Variants in PIK3CD observed in about 807,000 individuals in gnomAD.
PIK3CD encodes the protein phosphatidylinositol 4,5-bisphosphate 3-kinase catalytic subunit delta isoform.
PIK3CD carries 20 observed loss-of-function variants against 122.9 expected under a neutral mutation model. The observed-to-expected ratio is 0.16, with a 90% CI of 0.11 to 0.24. PIK3CD has a LOEUF of 0.24. PIK3CD is among the 10% of genes least tolerant of loss of function. PIK3CD has a pLI of 1.00. For synonymous variants in PIK3CD, 596 were observed against 593.4 expected, an observed-to-expected ratio of 1.00 and a Z score of -0.06; for missense variants, 787 against 1,406.3, an observed-to-expected ratio of 0.56 and a Z score of 7.04.
rs34885574 is a variant in PIK3CD at position 9,710,632 on chromosome 1, CAGAGAG to C, written c.141+54_141+59del. ...CATCCGGTCCTCAGACCTTGGTGCT[CAGAGAG>C]AGAGAGAGAGAGAGAGACACAGATA... On this transcript the variant is annotated intron_variant, in intron 3 of 23. Transcript: ENST00000377346. This position sits in a 1 kb window ranked among gnomAD's most constrained non-coding sequence, Gnocchi z 4.7. 1.2e-4 allele frequency: 177 copies of C among 1,526,658 alleles called. No homozygotes were observed. The highest frequency in any genetic ancestry group is 1.4e-4 in the Non-Finnish European group (155 of 1,108,210). 94.6% of individuals were successfully genotyped at this position (1,526,658 alleles called of 1,614,324 possible).
the PIK3CD span, among the ~76,000 whole-genome samples, chr1:9,640,236 A>G: frequency 6.6e-6 from 1 of 152,120 alleles, no homozygotes; most frequent in East Asian, 1.9e-4. Context: ...TAGAATTGCC[A>G]GTTTCCCCAG....
rs1646130143 is a variant in PIK3CD, at chr1:9,689,829, G to T, written c.-137-1638G>T. Among the ~76,000 whole-genome samples, 1 of 151,964 alleles carries T rather than the reference G, an allele frequency of 6.6e-6. No individual in the cohort carries two copies. Among genetic ancestry groups the T allele is most frequent in the African/African-American group, 2.4e-5 (1 of 41,444 alleles). On this transcript the variant is annotated intron_variant, in intron 1 of 23. Coordinates refer to ENST00000377346, the MANE Select transcript of PIK3CD (RefSeq NM_005026.5). This position sits in a 1 kb window ranked among gnomAD's most constrained non-coding sequence, Gnocchi z 6.1. ...CCGGGCTTTGTCCGCCTGGGGCGGG[G>T]TGGGCAGGGTCGGTGGAGGCGATCA... is the stretch of plus-strand genomic sequence containing the variant.
Position 9,711,358 on chromosome 1 carries a change from G to T in PIK3CD, c.141+762G>T, listed in dbSNP as rs371237769. 8.4e-4 allele frequency among the ~76,000 whole-genome samples: 128 copies of T among 152,316 alleles called. 1 individual carries two copies. The Middle Eastern group carries it at 0.031, about 36-fold the overall frequency. Reference sequence around the variant, plus strand: ...GATCCACCCGCTTCGGCCTCTTAAAGTGTTGGAATTACAGGTGTGAGTCAC... The same window carrying T: ...GATCCACCCGCTTCGGCCTCTTAAATTGTTGGAATTACAGGTGTGAGTCAC... On this transcript the variant is annotated intron_variant, in intron 3 of 23. Coordinates refer to ENST00000377346, the MANE Select transcript of PIK3CD (RefSeq NM_005026.5).
At chr1:9,654,363 A>G (rs1385014783) in intron 1 of PIK3CD, 2 of 1,367,582 alleles carry the variant, frequency 1.5e-6, no homozygotes, top group Admixed American at 3.8e-5. Flanking sequence ...TACCATGTTT[A>G]GCAAGTGTTT....
chr1:9,666,935 G>A lies in PIK3CD; in HGVS notation c.-138+15133G>A, dbSNP rs190444450. 7.7e-3 allele frequency among the ~76,000 whole-genome samples: 1,174 copies of A among 151,492 alleles called. 35 individuals are homozygous for A. Among genetic ancestry groups the A allele is most frequent in the Admixed American group, 0.048 (732 of 15,184 alleles). On this transcript the variant is annotated intron_variant, in intron 1 of 23. Transcript: ENST00000377346. The stretch of plus-strand genomic sequence containing the variant: ...GGCTGGAGTGCAGTGGCATGATCTC[G>A]GCTCACTGCAACCTCTGCCTCCTGG...
intron 3 of PIK3CD, among the ~76,000 whole-genome samples, chr1:9,714,592 G>T (rs1366678395): frequency 1.3e-5 from 2 of 152,044 alleles, no homozygotes; most frequent in African/African-American, 4.8e-5. Context: ...ACACACCTTG[G>T]ACCCCTCCAG....
the PIK3CD span, among the ~76,000 whole-genome samples, chr1:9,639,266 A>T: frequency 2.6e-5 from 4 of 151,918 alleles, no homozygotes; most frequent in Non-Finnish European, 5.9e-5. Context: ...GTTACTCCTC[A>T]CACTAGGTGC....
the PIK3CD span, among the ~76,000 whole-genome samples, chr1:9,643,107 A>G: frequency 2.9e-5 from 4 of 137,172 alleles, no homozygotes; most frequent in Non-Finnish European, 4.7e-5. Flanking sequence ...AAAGGAAGAA[A>G]AGAAAGAGAA....
intron 1 of PIK3CD, among the ~76,000 whole-genome samples, chr1:9,661,735 G>A (rs1192432827): frequency 1.3e-5 from 2 of 151,922 alleles, no homozygotes; most frequent in East Asian, 1.9e-4. Context: ...GGTGGCTCAC[G>A]CCTGTAATCC....
intron 2 of PIK3CD, among the ~76,000 whole-genome samples, chr1:9,696,153 G>A (rs1411189573): frequency 6.6e-6 from 1 of 151,634 alleles, no homozygotes; most frequent in East Asian, 2.0e-4. Flanking sequence ...TATCCTTTTT[G>A]TAGAGATAGG....
chr1:9,716,745 A>G (rs570157415), intron 6 of PIK3CD, 126 bp downstream of exon 6: 2 of 1,195,636 alleles, frequency 1.7e-6, no homozygotes, highest in South Asian at 2.6e-5. Flanking sequence ...GGTCACCGCC[A>G]GAGCATCCCC....
rs1648026674 is a variant in PIK3CD, at chr1:9,718,965, C to T, written c.1242+50C>T. 1 of 1,539,406 alleles carries T rather than the reference C, an allele frequency of 6.5e-7. No homozygotes were observed. The highest frequency in any genetic ancestry group is 8.9e-7 in the Non-Finnish European group (1 of 1,121,342). ...GGGTGCAGACCCCGGAGAGCCAGTA[C>T]AGCCCCTTGCTGGGCCACTCACCAC... On this transcript the variant is annotated intron_variant, in intron 9 of 23. Coordinates refer to ENST00000377346, the MANE Select transcript of PIK3CD (RefSeq NM_005026.5). The surrounding 1 kb of genome is among the most constrained non-coding windows in gnomAD (Gnocchi z 7.2).
At chr1:9,697,024 A>G (rs1368385398) in intron 2 of PIK3CD, among the ~76,000 whole-genome samples, 3 of 150,122 alleles carry the variant, frequency 2.0e-5, no homozygotes, top group Non-Finnish European at 3.0e-5. Context: ...TACTTGTGAC[A>G]CTGCACTCCA....
chr1:9,645,359 G>A, the PIK3CD span, among the ~76,000 whole-genome samples: 1 of 152,000 alleles, frequency 6.6e-6, no homozygotes, highest in Non-Finnish European at 1.5e-5. Flanking sequence ...GGCACCCCAA[G>A]CAAAAGAGAG....
chr1:9,648,511 G>A (rs924726191), upstream of PIK3CD, among the ~76,000 whole-genome samples: 5 of 152,206 alleles, frequency 3.3e-5, no homozygotes, highest in East Asian at 3.8e-4. Flanking sequence ...ACCTTAGGAC[G>A]GGCCGCTCCC....
At chr1:9,702,501 T>C (rs1393704692) in intron 2 of PIK3CD, among the ~76,000 whole-genome samples, 12 of 42,844 alleles carry the variant, frequency 2.8e-4, no homozygotes, top group Non-Finnish European at 3.7e-4. Context: ...AGAACTTTCC[T>C]TTTTTTTTTT....
At position 9,720,116 on chromosome 1, in the gene PIK3CD, G is replaced by A; in HGVS notation, c.1344G>A (p.Glu448=). ...TTCATCTGCCCCTGTGTTCAGATGA[G>A]AAGGGCGAGCTGCTGAACCCCACGG... ...CLYMWPSVPD[E]KGELLNPTGT... Residue 448 remains glutamate, a synonymous_variant, in exon 11 of 24, where the codon GAG becomes GAA. Transcript: ENST00000377346. The surrounding 1 kb of genome is among the most constrained non-coding windows in gnomAD (Gnocchi z 9.0). 4.3e-6 allele frequency: 7 copies of A among 1,613,332 alleles called. No homozygotes were observed. Among genetic ancestry groups the A allele is most frequent in the Non-Finnish European group, 5.9e-6 (7 of 1,180,028 alleles).
chr1:9,656,691 C>G (rs1188604059), intron 1 of PIK3CD, among the ~76,000 whole-genome samples: 2 of 152,048 alleles, frequency 1.3e-5, no homozygotes, highest in African/African-American at 4.8e-5. Context: ...GCCTGTAATC[C>G]CAGCACTTTG....
chr1:9,715,817 C>T lies in PIK3CD; in HGVS notation c.371-32C>T. On this transcript the variant is annotated intron_variant, in intron 4 of 23. Transcript: ENST00000377346. This position sits in a 1 kb window ranked among gnomAD's most constrained non-coding sequence, Gnocchi z 4.1. ...GTGGCCGGGCTGGCCCTGCCTGCCC[C>T]ACCCGCTGACCCAGCCCTCCCCACC... is the stretch of plus-strand genomic sequence containing the variant. The T allele has an allele frequency of 6.2e-7, 1 of 1,609,606 alleles. No homozygotes were observed. Among genetic ancestry groups the T allele is most frequent in the African/African-American group, 1.3e-5 (1 of 75,012 alleles).
Sources: allele counts gnomAD v4.1 joint callset (sites outside exome capture counted in the v4.1 genomes callset), GRCh38; gene constraint gnomAD v4.1.1; non-coding constraint Gnocchi (gnomAD v3.1); transcripts MANE v1.5; gene names NCBI Gene and HGNC (gene_info 2026-07-23, HGNC 2026-07-21).